The following KATNA1 variants were observed in gnomAD, a reference collection of about 807,000 sequenced individuals.
KATNA1 encodes the protein katanin p60 ATPase-containing subunit A1.
A neutral mutation model predicts 62.6 loss-of-function variants in KATNA1; 42 were observed. The observed-to-expected ratio is 0.67, with a 90% CI of 0.52 to 0.87. The LOEUF (loss-of-function observed/expected upper bound fraction) is 0.87. KATNA1 is among the 40% of genes least tolerant of loss of function. The pLI is 0.00. For missense variants in KATNA1, 498 were observed against 612.5 expected, an observed-to-expected ratio of 0.81 and a Z score of 1.97; for synonymous variants, 186 against 201.9, an observed-to-expected ratio of 0.92 and a Z score of 0.67.
intron 3 of KATNA1, among the ~76,000 whole-genome samples, chr6:149,624,341 G>A (rs1187032023): frequency 6.6e-6 from 1 of 152,094 alleles, no homozygotes; most frequent in African/African-American, 2.4e-5. Flanking sequence ...CACTAGCTAT[G>A]AACAGTTACT....
chr6:149,605,942 T>C (rs1778720122), intron 4 of KATNA1, among the ~76,000 whole-genome samples: 1 of 152,044 alleles, frequency 6.6e-6, no homozygotes, highest in Non-Finnish European at 1.5e-5. Flanking sequence ...TTATTTTTAG[T>C]GGAGATGGGG....
At chr6:149,607,648 C>T (rs1383515739) in intron 4 of KATNA1, among the ~76,000 whole-genome samples, 2 of 152,034 alleles carry the variant, frequency 1.3e-5, no homozygotes, top group Non-Finnish European at 2.9e-5. Context: ...TAAGTGAAAA[C>T]AGTAACCAGT....
intron 1 of KATNA1, among the ~76,000 whole-genome samples, chr6:149,643,628 T>C (rs1260970927): frequency 1.3e-5 from 2 of 152,032 alleles, no homozygotes; most frequent in Non-Finnish European, 2.9e-5. Flanking sequence ...CCTAGAACCA[T>C]GTCCTCAAAT....
chr6:149,594,892 G>T lies in KATNA1; in HGVS notation c.*144C>A. ...AACAAATTTTCAGCTTAAAAATATT[G>T]CCTTTATTCAGAATCATAAGGGTTT... is the stretch of plus-strand genomic sequence containing the variant. On this transcript the variant is annotated 3_prime_UTR_variant, in exon 11 of 11. Coordinates refer to ENST00000367411, the MANE Select transcript of KATNA1 (RefSeq NM_007044.4). 1.7e-6 allele frequency: 1 copy of T among 581,892 alleles called. No individual in the cohort carries two copies. 36.0% of individuals were successfully genotyped at this position (581,892 alleles called of 1,614,324 possible). A position where few individuals can be genotyped will look rare whatever the true frequency, so the allele number is the denominator to read the frequency against.
intron 2 of KATNA1, among the ~76,000 whole-genome samples, chr6:149,634,168 G>A (rs1236189169): frequency 6.6e-6 from 1 of 151,244 alleles, no homozygotes; most frequent in Non-Finnish European, 1.5e-5. Flanking sequence ...AGCTACTTGG[G>A]AGGCCGAGCC....
At position 149,638,556 on chromosome 6, in the gene KATNA1, G is replaced by GT. The variant is rs1562302175; in HGVS notation, c.-10dup. 6.3e-7 allele frequency: 1 copy of GT among 1,598,220 alleles called. No individual in the cohort carries two copies. The highest frequency in any genetic ancestry group is 1.8e-5 in the Admixed American group (1 of 56,402). ...ATCATAAGAAGACTCATGTTCAACT[G>GT]TAAGCTAAAAAGAAGAAGAAAAAAA... On this transcript the variant is annotated 5_prime_UTR_variant, in exon 2 of 11. Transcript: ENST00000367411.
rs190166288 is a variant in KATNA1 at position 149,639,649 on chromosome 6, T to C, written c.-13-1089A>G. On this transcript the variant is annotated intron_variant, in intron 1 of 10. Coordinates refer to ENST00000367411, the MANE Select transcript of KATNA1 (RefSeq NM_007044.4). ...AATTTAAAACATTGTTTTAAAAAAG[T>C]TCCCACATTCAAACCCTCCCTATTG... 1.3e-3 allele frequency among the ~76,000 whole-genome samples: 201 copies of C among 152,116 alleles called. 1 individual carries two copies. The highest frequency in any genetic ancestry group is 4.7e-3 in the African/African-American group (196 of 41,516).
chr6:149,605,532 C>T (rs188422759), intron 4 of KATNA1, among the ~76,000 whole-genome samples: 1 of 152,226 alleles, frequency 6.6e-6, no homozygotes, highest in East Asian at 1.9e-4. Context: ...ACATCTCAGT[C>T]CTTACATGGG....
intron 2 of KATNA1, among the ~76,000 whole-genome samples, chr6:149,633,792 T>A (rs1266473860): frequency 6.6e-6 from 1 of 151,614 alleles, no homozygotes; most frequent in Non-Finnish European, 1.5e-5. Flanking sequence ...TAATTTATAT[T>A]CTTATTTAAA....
At chr6:149,639,931 A>G (rs1180196045) in intron 1 of KATNA1, among the ~76,000 whole-genome samples, 2 of 152,228 alleles carry the variant, frequency 1.3e-5, no homozygotes, top group African/African-American at 2.4e-5. Context: ...ACATCTGCAG[A>G]ATAAATAGTG....
chr6:149,603,450 G>A (rs1220369916), intron 5 of KATNA1, 77 bp from the exon 6 acceptor site: 7 of 669,932 alleles, frequency 1.0e-5, no homozygotes, highest in East Asian at 5.8e-5. Flanking sequence ...ACCACTGGAA[G>A]CACATGATGT....
chr6:149,632,901 T>A lies in KATNA1; in HGVS notation c.178A>T (p.Asn60Tyr), dbSNP rs146991684. The change falls in exon 3 of 11, where the codon AAT (asparagine) becomes TAT (tyrosine). Residue 60 changes from asparagine to tyrosine, a missense_variant. Asn to Tyr is a moderately radical substitution (Grantham distance 143). Transcript: ENST00000367411. ...TCTTTAACATGTTTAGCTTCCACATTTATTTCCTGCCAAACCTGATTTCAA... is the reference window on the plus strand; with the variant it reads ...TCTTTAACATGTTTAGCTTCCACATATATTTCCTGCCAAACCTGATTTCAA... ...QKWQQVWQEI[N>Y]VEAKHVKDIM... 2.0e-4 allele frequency: 324 copies of A among 1,605,860 alleles called. No homozygotes were observed. Among genetic ancestry groups the A allele is most frequent in the Non-Finnish European group, 2.7e-4 (316 of 1,178,230 alleles).
intron 4 of KATNA1, among the ~76,000 whole-genome samples, chr6:149,614,608 CA>C (rs1390257318): frequency 6.6e-6 from 1 of 151,910 alleles, no homozygotes; most frequent in Non-Finnish European, 1.5e-5. Context: ...CCTGTCTCTA[CA>C]AAAAAGATGA....
upstream of KATNA1, chr6:149,648,797 G>C (rs939497407): frequency 2.0e-5 from 3 of 152,366 alleles, no homozygotes; most frequent in African/African-American, 7.2e-5. Context: ...GGGGCCGCGC[G>C]TGCGCATTCT....
chr6:149,639,021 G>T (rs1285984947), intron 1 of KATNA1, among the ~76,000 whole-genome samples: 1 of 151,752 alleles, frequency 6.6e-6, no homozygotes, highest in Non-Finnish European at 1.5e-5. Context: ...TTACAGGCAT[G>T]AGCCACCGCG....
rs746380317 is a variant in KATNA1, at chr6:149,638,542, A to T, written c.6T>A (p.Ser2Arg). MSLLMISENVKL... is the reference protein window; with the variant it reads MRLLMISENVKL... Reference sequence around the variant, plus strand: ...TTACATTCTCACTAATCATAAGAAGACTCATGTTCAACTGTAAGCTAAAAA... The same window carrying T: ...TTACATTCTCACTAATCATAAGAAGTCTCATGTTCAACTGTAAGCTAAAAA... The change falls in exon 2 of 11, where the codon AGT becomes AGA. Residue 2 changes from serine to arginine, a missense_variant. By Grantham distance (110) the Ser-to-Arg change is moderately radical (BLOSUM62 -1). This residue lies in a region of KATNA1 where 28 missense variants were observed against 41.6 expected (regional missense o/e 0.67). Coordinates refer to ENST00000367411, the MANE Select transcript of KATNA1 (RefSeq NM_007044.4). 4.3e-5 allele frequency: 70 copies of T among 1,611,216 alleles called. No individual in the cohort carries two copies. Among genetic ancestry groups the T allele is most frequent in the Non-Finnish European group, 5.8e-5 (68 of 1,178,576 alleles).
At chr6:149,642,468 T>C (rs73606766) in intron 1 of KATNA1, among the ~76,000 whole-genome samples, 3 of 152,044 alleles carry the variant, frequency 2.0e-5, no homozygotes, top group Non-Finnish European at 4.4e-5. Flanking sequence ...CTCACACAGA[T>C]CCACAAAGGA....
intron 1 of KATNA1, among the ~76,000 whole-genome samples, chr6:149,641,524 A>G (rs911243148): frequency 2.0e-5 from 3 of 151,896 alleles, no homozygotes; most frequent in Non-Finnish European, 2.9e-5. Flanking sequence ...AATAATTCCA[A>G]CCACATAAAA....
chr6:149,625,375 TC>T (rs1779565661), intron 3 of KATNA1, among the ~76,000 whole-genome samples: 1 of 152,112 alleles, frequency 6.6e-6, no homozygotes, highest in Non-Finnish European at 1.5e-5. Context: ...TGGCTCACAA[TC>T]CCAGCAATTT....
Sources: gnomAD v4.1 joint callset for allele counts (sites outside exome capture counted in the v4.1 genomes callset) on GRCh38, gnomAD v4.1.1 for gene constraint, gnomAD v4.1.1 regional missense constraint, MANE v1.5 for transcripts, NCBI Gene and HGNC (gene_info 2026-07-23, HGNC 2026-07-21) for gene names.